FGF13: variants seen among roughly 807,000 people sequenced by gnomAD.
The protein encoded by FGF13 is fibroblast growth factor 13.
A neutral mutation model predicts 19.5 loss-of-function variants in FGF13; 2 were observed. The ratio of observed to expected loss-of-function variants is 0.10; its 90% CI spans 0.04 to 0.32. The LOEUF (loss-of-function observed/expected upper bound fraction) is 0.32. FGF13 is among the 10% of genes least tolerant of loss of function. The pLI, the probability that FGF13 is intolerant of heterozygous loss-of-function variation, is 1.00. For synonymous variants in FGF13, 72 were observed against 76.9 expected, an observed-to-expected ratio of 0.94 and a Z score of 0.33; for missense variants, 113 against 192.7, an observed-to-expected ratio of 0.59 and a Z score of 2.45.
chrX:138,656,638 C>G (rs1453134352), intron 3 of FGF13, among the ~76,000 whole-genome samples: 1 of 111,905 alleles, frequency 8.9e-6, no homozygotes, highest in African/African-American at 3.2e-5. Context: ...TATAATATTT[C>G]ACATTGCCAA....
intron 1 of FGF13, among the ~76,000 whole-genome samples, chrX:139,062,899 T>C (rs1305173187): frequency 8.9e-6 from 1 of 112,000 alleles, no homozygotes; most frequent in Non-Finnish European, 1.9e-5. Context: ...TCAATTTCCA[T>C]AGCAGTAGCC....
At chrX:138,905,129 C>A (rs1164827359) in intron 1 of FGF13, among the ~76,000 whole-genome samples, 2 of 110,953 alleles carry the variant, frequency 1.8e-5, no homozygotes, top group Non-Finnish European at 3.8e-5. Flanking sequence ...TAGAATTCCC[C>A]TAAAATCTGG....
chrX:138,716,020 G>A (rs2090098423), upstream of FGF13: 1 of 112,160 alleles, frequency 8.9e-6, no homozygotes, highest in Admixed American at 9.4e-5. Context: ...CTAATCGGGA[G>A]CAGCCTCAGT....
chrX:138,678,801 C>A (rs1422837436), intron 3 of FGF13, among the ~76,000 whole-genome samples: 2 of 112,009 alleles, frequency 1.8e-5, no homozygotes, highest in East Asian at 2.8e-4. Flanking sequence ...AAAGCACTCA[C>A]AAGAGATGTT....
chrX:138,971,334 TACA>T (rs2091914640), intron 1 of FGF13, among the ~76,000 whole-genome samples: 2 of 102,364 alleles, frequency 2.0e-5, no homozygotes, highest in African/African-American at 7.0e-5. Context: ...CAGTATCATG[TACA>T]TAGTAAGTGC....
At chrX:138,704,609 A>G (rs2089977728) in intron 2 of FGF13, among the ~76,000 whole-genome samples, 2 of 112,146 alleles carry the variant, frequency 1.8e-5, no homozygotes, top group South Asian at 7.5e-4. Flanking sequence ...TATGGATGAG[A>G]AATACTAATG....
intron 1 of FGF13, among the ~76,000 whole-genome samples, chrX:139,028,039 T>C (rs768670520): frequency 9.0e-6 from 1 of 111,493 alleles, no homozygotes; most frequent in Non-Finnish European, 1.9e-5. Context: ...CAGAGATCAC[T>C]AACGGTATTT....
chrX:139,063,824 T>C (rs934350244), intron 1 of FGF13, among the ~76,000 whole-genome samples: 3 of 111,605 alleles, frequency 2.7e-5, no homozygotes, highest in Non-Finnish European at 3.8e-5. Flanking sequence ...TACCTTATTG[T>C]TGGGTGCAGG....
intron 1 of FGF13, among the ~76,000 whole-genome samples, chrX:139,094,778 C>A (rs1378195380): frequency 1.8e-5 from 2 of 112,279 alleles, no homozygotes; most frequent in Admixed American, 1.9e-4. Flanking sequence ...AGTCTTGATG[C>A]AGGCTTGACT....
intron 1 of FGF13, among the ~76,000 whole-genome samples, chrX:139,062,528 TG>T (rs930877305): frequency 1.8e-5 from 2 of 111,871 alleles, no homozygotes; most frequent in African/African-American, 6.5e-5. Context: ...TTTGGCTATC[TG>T]GGGTCTTCTA....
chrX:139,088,033 A>C (rs2083415308), intron 1 of FGF13, among the ~76,000 whole-genome samples: 1 of 111,819 alleles, frequency 8.9e-6, no homozygotes, highest in Middle Eastern at 4.2e-3. Flanking sequence ...CACCTTGTTA[A>C]GTTTCATGTC....
At chrX:139,141,102 TACACACAC>T (rs748785543) in intron 1 of FGF13, among the ~76,000 whole-genome samples, 89 of 97,199 alleles carry the variant, frequency 9.2e-4, no homozygotes, top group Middle Eastern at 0.01. Flanking sequence ...GATAAGAGTG[TACACACAC>T]ACACACACAC....
At chrX:138,938,590 C>A (rs185988709) in intron 1 of FGF13, among the ~76,000 whole-genome samples, 1 of 111,165 alleles carries the variant, frequency 9.0e-6, no homozygotes, top group Admixed American at 9.6e-5. Context: ...CTTATGCTAC[C>A]CTCTGTTTGC....
intron 3 of FGF13, among the ~76,000 whole-genome samples, chrX:138,655,011 C>T (rs948735623): frequency 1.8e-5 from 2 of 111,328 alleles, no homozygotes; most frequent in Non-Finnish European, 3.8e-5. Context: ...TGAGGCTGCT[C>T]CTCCCATTGC....
At chrX:139,192,847 A>G (rs2084342473) in intron 1 of FGF13, among the ~76,000 whole-genome samples, 1 of 111,593 alleles carries the variant, frequency 9.0e-6, no homozygotes, top group African/African-American at 3.3e-5. Flanking sequence ...TCACTGCTTG[A>G]CATACCACGA....
chrX:139,005,305 A>G (rs2092096615), intron 1 of FGF13, among the ~76,000 whole-genome samples: 1 of 108,532 alleles, frequency 9.2e-6, no homozygotes, highest in Non-Finnish European at 1.9e-5. Context: ...CCAAGGAATT[A>G]TTCTGGATAT....
chrX:138,806,335 C>T (rs1293661514), intron 3 of FGF13: 1 of 112,145 alleles, frequency 8.9e-6, no homozygotes, highest in African/African-American at 3.2e-5. Flanking sequence ...TCTGCCCCAT[C>T]CTCACTGCGT....
chrX:138,748,589 T>G (rs2090373410), intron 3 of FGF13, among the ~76,000 whole-genome samples: 1 of 112,252 alleles, frequency 8.9e-6, no homozygotes, highest in Non-Finnish European at 1.9e-5. Flanking sequence ...TTTTGTTATG[T>G]CAGTACTAGC....
chrX:138,835,550 T>C (rs1213051390), intron 3 of FGF13, among the ~76,000 whole-genome samples: 1 of 112,292 alleles, frequency 8.9e-6, no homozygotes, highest in Non-Finnish European at 1.9e-5. Context: ...CCTGTGTATG[T>C]CACTGCATGT....
Sources: gnomAD v4.1 joint callset for allele counts (sites outside exome capture counted in the v4.1 genomes callset) on GRCh38, gnomAD v4.1.1 for gene constraint, MANE v1.5 for transcripts, NCBI Gene and HGNC (gene_info 2026-07-23, HGNC 2026-07-21) for gene names.